The following PIBF1 variants were observed in gnomAD, a reference collection of about 807,000 sequenced individuals.
The protein encoded by PIBF1 is progesterone immunomodulatory binding factor 1.
PIBF1 carries 90 observed loss-of-function variants against 112.5 expected under a neutral mutation model. The ratio of observed to expected loss-of-function variants is 0.80; its 90% confidence interval spans 0.67 to 0.95. The LOEUF is 0.95. Among genes scored for constraint, PIBF1 ranks in the 40% least tolerant of loss-of-function variants. The pLI, the probability that PIBF1 is intolerant of heterozygous loss-of-function variation, is 0.00. For missense variants in PIBF1, 915 were observed against 852.3 expected (o/e 1.07, Z -0.92); for synonymous variants, 301 against 288.6 (o/e 1.04, Z -0.44).
intron 5 of PIBF1, among the ~76,000 whole-genome samples, chr13:72,805,414 T>G (rs2035682883): frequency 2.0e-5 from 3 of 152,202 alleles, no homozygotes; most frequent in Admixed American, 2.0e-4. Flanking sequence ...AGTGTTGGGA[T>G]TACAGGTATG....
At chr13:72,905,812 T>G (rs1446708354) in intron 11 of PIBF1, among the ~76,000 whole-genome samples, 1 of 152,228 alleles carries the variant, frequency 6.6e-6, no homozygotes, top group Non-Finnish European at 1.5e-5. Flanking sequence ...TATGCTTTGT[T>G]TAAAGGTCAT....
intron 14 of PIBF1, among the ~76,000 whole-genome samples, chr13:72,956,029 T>C (rs2042436367): frequency 6.6e-6 from 1 of 152,170 alleles, no homozygotes; most frequent in Non-Finnish European, 1.5e-5. Flanking sequence ...AATTAGCCTA[T>C]AAATATTTAA....
chr13:72,971,953 TAA>T (rs57192140), intron 15 of PIBF1, among the ~76,000 whole-genome samples: 46,967 of 146,648 alleles, frequency 0.32, 7,816 homozygotes, highest in Middle Eastern at 0.38. Context: ...TTTCTTGAAT[TAA>T]AAAAAAAAAA....
At chr13:72,859,278 T>C (rs2038586523) in intron 10 of PIBF1, among the ~76,000 whole-genome samples, 1 of 152,070 alleles carries the variant, frequency 6.6e-6, no homozygotes, top group Admixed American at 6.6e-5. Flanking sequence ...ATTGCAGGGG[T>C]AAAGCATGGA....
At chr13:72,788,894 T>A (rs2034745260) in intron 2 of PIBF1, among the ~76,000 whole-genome samples, 1 of 152,192 alleles carries the variant, frequency 6.6e-6, no homozygotes, top group Admixed American at 6.5e-5. Context: ...ATACAAATGG[T>A]TATGGATACA....
chr13:73,013,180 A>G (rs1309014176), intron 17 of PIBF1, among the ~76,000 whole-genome samples: 2 of 151,574 alleles, frequency 1.3e-5, no homozygotes, highest in East Asian at 1.9e-4. Context: ...GGGCACCTGT[A>G]GTCCCAGCTA....
chr13:73,009,225 C>G, intron 17 of PIBF1, among the ~76,000 whole-genome samples: 1 of 152,198 alleles, frequency 6.6e-6, no homozygotes, highest in East Asian at 1.9e-4. Flanking sequence ...CAGCTTATAT[C>G]CCATTGGCCA....
intron 2 of PIBF1, among the ~76,000 whole-genome samples, chr13:72,784,749 C>A (rs1190016626): frequency 1.3e-5 from 2 of 151,862 alleles, no homozygotes; most frequent in African/African-American, 2.4e-5. Flanking sequence ...CAGAGTGAGA[C>A]CCTATCTCAA....
intron 11 of PIBF1, among the ~76,000 whole-genome samples, chr13:72,905,729 G>A (rs775752241): frequency 6.6e-6 from 1 of 152,004 alleles, no homozygotes; most frequent in Admixed American, 6.6e-5. Context: ...CCAAAAAATT[G>A]CAACTTGCAG....
chr13:72,871,345 G>T (rs192542068), intron 10 of PIBF1, among the ~76,000 whole-genome samples: 1 of 151,706 alleles, frequency 6.6e-6, no homozygotes, highest in African/African-American at 2.4e-5. Context: ...TTGCTCTGTC[G>T]CCCAGGCTGG....
chr13:72,848,787 G>A (rs1190492880), intron 9 of PIBF1, among the ~76,000 whole-genome samples: 1 of 150,846 alleles, frequency 6.6e-6, no homozygotes, highest in Non-Finnish European at 1.5e-5. Context: ...AGCTGAGATC[G>A]CGCCACTGCA....
At chr13:72,911,578 C>T (rs1418905380) in intron 12 of PIBF1, among the ~76,000 whole-genome samples, 1 of 151,918 alleles carries the variant, frequency 6.6e-6, no homozygotes, top group African/African-American at 2.4e-5. Flanking sequence ...TTTGACATGG[C>T]CCTTGAATGT....
chr13:72,835,276 A>G lies in PIBF1; in HGVS notation c.1131A>G (p.Leu377=). The part of the protein sequence containing the change: ...DHYKTEYENK[L]HDELEQIRLK... ...ATAAAACAGAATATGAAAATAAACT[A>G]CATGATGAACTAGAACAAATCAGAT... The change falls in exon 9 of 18, where the codon CTA becomes CTG. Residue 377 remains leucine (L), a synonymous_variant. Coordinates refer to ENST00000326291, the MANE Select transcript of PIBF1 (RefSeq NM_006346.4). The G allele has an allele frequency of 1.3e-6, 2 of 1,584,754 alleles. No homozygotes were observed. Among genetic ancestry groups the G allele is most frequent in the Non-Finnish European group, 1.7e-6 (2 of 1,167,400 alleles).
At chr13:72,918,956 G>A (rs1043546498) in intron 13 of PIBF1, among the ~76,000 whole-genome samples, 4 of 151,968 alleles carry the variant, frequency 2.6e-5, no homozygotes, top group African/African-American at 9.7e-5. Context: ...CACCCACCTC[G>A]GCCTCCCAAA....
At chr13:72,841,406 T>C (rs2037603744) in intron 9 of PIBF1, among the ~76,000 whole-genome samples, 1 of 152,224 alleles carries the variant, frequency 6.6e-6, no homozygotes, top group Admixed American at 6.5e-5. Flanking sequence ...AACTTGATCC[T>C]GGTTCTACCA....
intron 10 of PIBF1, among the ~76,000 whole-genome samples, chr13:72,863,468 G>A (rs7999198): frequency 0.6 from 90,027 of 151,184 alleles, 27,448 homozygotes; most frequent in East Asian, 0.76. Context: ...TGGCTAACAC[G>A]GTGAAACCCC....
At chr13:72,936,612 T>G (rs2041877826) in intron 14 of PIBF1, among the ~76,000 whole-genome samples, 1 of 152,222 alleles carries the variant, frequency 6.6e-6, no homozygotes, top group Non-Finnish European at 1.5e-5. Flanking sequence ...CAATCATTTA[T>G]GTGTGAGACT....
intron 17 of PIBF1, among the ~76,000 whole-genome samples, chr13:72,999,245 T>C (rs1594346532): frequency 6.6e-6 from 1 of 152,020 alleles, no homozygotes; most frequent in East Asian, 1.9e-4. Flanking sequence ...AATGCATTGT[T>C]AGCTAAAAAT....
At chr13:72,962,324 A>T (rs1041333309) in intron 14 of PIBF1, among the ~76,000 whole-genome samples, 1 of 152,208 alleles carries the variant, frequency 6.6e-6, no homozygotes, top group Non-Finnish European at 1.5e-5. Flanking sequence ...AAAGAAAAAA[A>T]TACAGCCAGG....
Sources: gnomAD v4.1 joint callset for allele counts (sites outside exome capture counted in the v4.1 genomes callset) on GRCh38, gnomAD v4.1.1 for gene constraint, MANE v1.5 for transcripts, NCBI Gene and HGNC (gene_info 2026-07-23, HGNC 2026-07-21) for gene names.